The following SLC9A2 variants were observed in gnomAD, a reference collection of about 807,000 sequenced individuals.
SLC9A2 encodes the protein solute carrier family 9 member A2.
In SLC9A2, 42 loss-of-function variants were observed where a neutral mutation model predicts 71.7. The ratio of observed to expected loss-of-function variants is 0.59; its 90% confidence interval spans 0.46 to 0.76. The LOEUF is 0.76. SLC9A2 is among the 30% of genes least tolerant of loss of function. The pLI is 0.00. For synonymous variants in SLC9A2, 396 were observed against 392.5 expected, an observed-to-expected ratio of 1.01 and a Z score of -0.10; for missense variants, 829 against 1,017.4, an observed-to-expected ratio of 0.81 and a Z score of 2.52.
At chr2:102,666,365 T>G (rs1404930640) in intron 3 of SLC9A2, among the ~76,000 whole-genome samples, 1 of 151,876 alleles carries the variant, frequency 6.6e-6, no homozygotes, top group Non-Finnish European at 1.5e-5. Context: ...CGGGCTAATT[T>G]TTTTTGTATT....
chr2:102,689,416 C>T (rs1677616864), intron 5 of SLC9A2, among the ~76,000 whole-genome samples: 1 of 152,142 alleles, frequency 6.6e-6, no homozygotes, highest in African/African-American at 2.4e-5. Flanking sequence ...GCTTAGGGCC[C>T]ATGGTGGGGT....
intron 1 of SLC9A2, among the ~76,000 whole-genome samples, chr2:102,651,883 G>C (rs1289077419): frequency 1.3e-5 from 2 of 152,108 alleles, no homozygotes; most frequent in Non-Finnish European, 2.9e-5. Context: ...GATGTATAAA[G>C]GTTTGCTTGA....
intron 7 of SLC9A2, among the ~76,000 whole-genome samples, chr2:102,697,010 C>T (rs1253280391): frequency 6.6e-6 from 1 of 152,144 alleles, no homozygotes; most frequent in African/African-American, 2.4e-5. Context: ...CCTCTCTTCT[C>T]CACTGTTTTC....
chr2:102,707,935 G>A (rs1678013163), intron 11 of SLC9A2, among the ~76,000 whole-genome samples, 184 bp from the exon 12 acceptor site: 1 of 152,152 alleles, frequency 6.6e-6, no homozygotes, highest in African/African-American at 2.4e-5. Flanking sequence ...TGTGGGTATG[G>A]GTGCTCCCAG....
chr2:102,673,506 A>G (rs1472070425), intron 3 of SLC9A2, among the ~76,000 whole-genome samples: 2 of 152,152 alleles, frequency 1.3e-5, no homozygotes, highest in African/African-American at 4.8e-5. Context: ...GTTAACTTTA[A>G]ATTACATAAA....
In SLC9A2 at chr2:102,665,239, T is replaced by C; in HGVS notation, c.893T>C (p.Phe298Ser). 1 of 1,614,122 alleles carries C rather than the reference T, an allele frequency of 6.2e-7. No homozygotes were observed. Among genetic ancestry groups the C allele is most frequent in the Non-Finnish European group, 8.5e-7 (1 of 1,180,014 alleles). ...IGIFLGFIAAFTTRFTHNIRV... is the reference protein window; with the variant it reads ...IGIFLGFIAASTTRFTHNIRV... Reference sequence around the variant, plus strand: ...ATCTTCTTGGGCTTTATAGCGGCATTTACTACTCGATTCACCCATAATATC... The same window carrying C: ...ATCTTCTTGGGCTTTATAGCGGCATCTACTACTCGATTCACCCATAATATC... The change falls in exon 3 of 12, where the codon TTT (phenylalanine) becomes TCT (serine). Residue 298 changes from phenylalanine (F) to serine (S), a missense_variant. By Grantham distance (155) the Phe-to-Ser change is radical (BLOSUM62 -2). Around this residue, in one of 3 missense-constraint regions of SLC9A2, gnomAD observed 500 missense variants for 726.3 expected, o/e 0.69. Coordinates refer to ENST00000233969, the MANE Select transcript of SLC9A2 (RefSeq NM_003048.6).
At position 102,626,326 on chromosome 2, in the gene SLC9A2, A is replaced by T. The variant is rs188072574; in HGVS notation, c.289+6189A>T. On this transcript the variant is annotated intron_variant, in intron 1 of 11. Transcript: ENST00000233969. ...GACAAAAACAAGAAATGGGGAAAGGATTCCCTATTTAACAAATGGTGCTGG... is the reference window on the plus strand; with the variant it reads ...GACAAAAACAAGAAATGGGGAAAGGTTTCCCTATTTAACAAATGGTGCTGG... Among the ~76,000 whole-genome samples the T allele has an allele frequency of 7.1e-4, 108 of 152,352 alleles. 6 individuals are homozygous for T. The East Asian group carries it at 0.021, about 29-fold the overall frequency.
chr2:102,632,975 C>T (rs1230046491), intron 1 of SLC9A2, among the ~76,000 whole-genome samples: 1 of 152,158 alleles, frequency 6.6e-6, no homozygotes, highest in Non-Finnish European at 1.5e-5. Flanking sequence ...TGGAGACCCA[C>T]TGGCCAGGAA....
At chr2:102,693,723 C>G (rs552547001) in intron 5 of SLC9A2, among the ~76,000 whole-genome samples, 2 of 152,312 alleles carry the variant, frequency 1.3e-5, no homozygotes, top group Non-Finnish European at 2.9e-5. Flanking sequence ...CCTGTCATCC[C>G]TCTTCTGCTT....
chr2:102,663,739 G>C (rs143990509), intron 2 of SLC9A2, among the ~76,000 whole-genome samples: 1 of 152,142 alleles, frequency 6.6e-6, no homozygotes, highest in Non-Finnish European at 1.5e-5. Flanking sequence ...CTTATCAGTC[G>C]GTTTTCCTGG....
At chr2:102,663,817 G>C (rs1435337569) in intron 2 of SLC9A2, among the ~76,000 whole-genome samples, 1 of 152,150 alleles carries the variant, frequency 6.6e-6, no homozygotes, top group African/African-American at 2.4e-5. Context: ...TGCTTGGCTG[G>C]TATTTGACTT....
At chr2:102,628,289 G>C (rs1238838843) in intron 1 of SLC9A2, among the ~76,000 whole-genome samples, 1 of 152,090 alleles carries the variant, frequency 6.6e-6, no homozygotes, top group East Asian at 1.9e-4. Context: ...CTGTTAAGTA[G>C]GAAACCATGG....
At chr2:102,679,786 T>A (rs1677416259) in intron 3 of SLC9A2, among the ~76,000 whole-genome samples, 1 of 152,244 alleles carries the variant, frequency 6.6e-6, no homozygotes, top group Admixed American at 6.5e-5. Context: ...CAGTGAATGA[T>A]ATGAACATAA....
At chr2:102,620,229 T>C (rs1197491761) in intron 1 of SLC9A2, 92 bp downstream of exon 1, 21 of 1,090,458 alleles carry the variant, frequency 1.9e-5, no homozygotes, top group Non-Finnish European at 2.6e-5. Flanking sequence ...CTCTAGATAG[T>C]GACCGCCTCA....
At chr2:102,646,582 G>A (rs1487417120) in intron 1 of SLC9A2, among the ~76,000 whole-genome samples, 1 of 151,964 alleles carries the variant, frequency 6.6e-6, no homozygotes, top group East Asian at 1.9e-4. Context: ...GACACACACA[G>A]GCTCAAAATA....
In SLC9A2 at chr2:102,626,615, T is replaced by G. The variant is rs957075010; in HGVS notation, c.289+6478T>G. 4.6e-5 allele frequency among the ~76,000 whole-genome samples: 7 copies of G among 152,158 alleles called. No homozygotes were observed. In the East Asian group the frequency reaches 1.3e-3, roughly 29 times the overall value. ...AGAGCTTCTGCACAGCAAAATGAAC[T>G]ACCATCAGAGTGAACAGGCAACCTA... On this transcript the variant is annotated intron_variant, in intron 1 of 11. Coordinates refer to ENST00000233969, the MANE Select transcript of SLC9A2 (RefSeq NM_003048.6).
chr2:102,687,630 A>C (rs920975431), intron 5 of SLC9A2, among the ~76,000 whole-genome samples: 1 of 152,220 alleles, frequency 6.6e-6, no homozygotes, highest in Non-Finnish European at 1.5e-5. Flanking sequence ...ATCTTCAAAA[A>C]TAGGATTTCA....
chr2:102,702,974 C>T (rs1038079887), intron 9 of SLC9A2, among the ~76,000 whole-genome samples: 3 of 152,076 alleles, frequency 2.0e-5, no homozygotes, highest in African/African-American at 7.2e-5. Flanking sequence ...TTTTCCAAGC[C>T]CCATTTCAGT....
intron 7 of SLC9A2, among the ~76,000 whole-genome samples, chr2:102,698,894 A>G (rs1387436545): frequency 6.6e-6 from 1 of 152,176 alleles, no homozygotes. Context: ...GCCAAGTAAT[A>G]TGGCAGAGGG....
Sources: gnomAD v4.1 joint callset for allele counts (sites outside exome capture counted in the v4.1 genomes callset) on GRCh38, gnomAD v4.1.1 for gene constraint, gnomAD v4.1.1 regional missense constraint, MANE v1.5 for transcripts, NCBI Gene and HGNC (gene_info 2026-07-23, HGNC 2026-07-21) for gene names.